WWP2: variants seen among roughly 807,000 people sequenced by gnomAD.
WWP2 encodes the protein WW domain containing E3 ubiquitin protein ligase 2, also known as NEDD4-like E3 ubiquitin-protein ligase WWP2.
Under a neutral mutation model 121.0 loss-of-function variants are expected in WWP2, and 57 were observed. That is an observed-to-expected ratio of 0.47 (90% CI 0.38 to 0.59). The LOEUF is 0.59. Among genes scored for constraint, WWP2 ranks in the 20% least tolerant of loss-of-function variants. The probability of loss-of-function intolerance (pLI) is 0.00; values close to 1 mark genes in which losing one functional copy is unlikely to be tolerated. For missense variants in WWP2, 962 were observed against 1,158.9 expected, an observed-to-expected ratio of 0.83 and a Z score of 2.47; for synonymous variants, 449 against 441.3, an observed-to-expected ratio of 1.02 and a Z score of -0.22.
chr16:69,848,463 C>A (rs1436945167), intron 6 of WWP2, among the ~76,000 whole-genome samples: 16 of 147,128 alleles, frequency 1.1e-4, no homozygotes, highest in South Asian at 2.2e-4. Flanking sequence ...AAAAAAAAAA[C>A]AAACAAACAA....
At chr16:69,820,247 A>G (rs1043416188) in intron 4 of WWP2, among the ~76,000 whole-genome samples, 2 of 151,852 alleles carry the variant, frequency 1.3e-5, no homozygotes, top group Non-Finnish European at 2.9e-5. Flanking sequence ...ATTTTTTGTT[A>G]TTATTATTTT....
chr16:69,823,723 C>T (rs2056634132), intron 4 of WWP2, among the ~76,000 whole-genome samples: 1 of 152,252 alleles, frequency 6.6e-6, no homozygotes, highest in Non-Finnish European at 1.5e-5. Context: ...CTGCCCCAGC[C>T]TCCCAAAGTG....
intron 1 of WWP2, among the ~76,000 whole-genome samples, chr16:69,777,709 T>G (rs893000710): frequency 2.0e-5 from 3 of 151,894 alleles, no homozygotes; most frequent in Non-Finnish European, 4.4e-5. Flanking sequence ...TGTCAAGATT[T>G]ATGTAGAGGA....
At chr16:69,795,805 G>T (rs912439032) in intron 2 of WWP2, among the ~76,000 whole-genome samples, 1 of 151,440 alleles carries the variant, frequency 6.6e-6, no homozygotes, top group South Asian at 2.1e-4. Flanking sequence ...GCCCCACCAC[G>T]CCCAGCTAGT....
At position 69,939,398 on chromosome 16, in the gene WWP2, C is replaced by T; in HGVS notation, c.2498C>T (p.Pro833Leu). ...IDKVGKETWL[P>L]RSHTCFNRLD... The stretch of plus-strand genomic sequence containing the variant: ...AAAGTTGGCAAGGAAACCTGGCTGC[C>T]CAGAAGCCACACCTGGTGAGCCTGC... The change falls in exon 23 of 24, where the codon CCC (proline) becomes CTC (leucine). Residue 833 changes from proline (P) to leucine (L), a missense_variant. Physicochemically the swap from Pro to Leu is moderately conservative, Grantham distance 98. Transcript: ENST00000359154. 6.2e-7 allele frequency: 1 copy of T among 1,614,122 alleles called. No homozygotes were observed. Among genetic ancestry groups the T allele is most frequent in the Non-Finnish European group, 8.5e-7 (1 of 1,180,016 alleles).
At chr16:69,829,094 T>C (rs1203278337) in intron 4 of WWP2, among the ~76,000 whole-genome samples, 1 of 152,112 alleles carries the variant, frequency 6.6e-6, no homozygotes, top group African/African-American at 2.4e-5. Flanking sequence ...CCGTCTTCGA[T>C]ACCCGACCCC....
At chr16:69,913,636 T>C (rs973081290) in intron 9 of WWP2, among the ~76,000 whole-genome samples, 1 of 152,114 alleles carries the variant, frequency 6.6e-6, no homozygotes, top group African/African-American at 2.4e-5. Context: ...TTATAATTGA[T>C]ATCCTCAAAG....
intron 8 of WWP2, among the ~76,000 whole-genome samples, chr16:69,905,272 C>T (rs575701582): frequency 6.6e-6 from 1 of 152,352 alleles, no homozygotes; most frequent in East Asian, 1.9e-4. Context: ...CTCTGGTCCT[C>T]AACCAAGAGT....
chr16:69,804,434 T>G lies in WWP2; in HGVS notation c.340+5139T>G, dbSNP rs114109761. Among the ~76,000 whole-genome samples, 795 of 152,356 alleles carry G rather than the reference T, an allele frequency of 5.2e-3. 7 individuals carry two copies. Among genetic ancestry groups the G allele is most frequent in the African/African-American group, 0.018 (760 of 41,588 alleles). Reference sequence around the variant, plus strand: ...AATATGTAGCTGATTGGTTTAGCACTACTTATTGAATAATCCATCTGTTTC... The same window carrying G: ...AATATGTAGCTGATTGGTTTAGCACGACTTATTGAATAATCCATCTGTTTC... On this transcript the variant is annotated intron_variant, in intron 4 of 23. Transcript: ENST00000359154.
At chr16:69,909,251 G>A in intron 9 of WWP2, 1 of 993,096 alleles carries the variant, frequency 1.0e-6, no homozygotes, top group Non-Finnish European at 1.2e-6. Context: ...AAGGGGTTTG[G>A]TTCCCTGTCT....
At chr16:69,828,547 G>T (rs570412100) in intron 4 of WWP2, among the ~76,000 whole-genome samples, 28 of 151,944 alleles carry the variant, frequency 1.8e-4, no homozygotes, top group Admixed American at 1.8e-3. Flanking sequence ...TGTATTTTTC[G>T]TAGAGACGGG....
At position 69,936,352 on chromosome 16, in the gene WWP2, A is replaced by G. The variant is rs767862694; in HGVS notation, c.2017A>G (p.Ile673Val). Residue 673 changes from isoleucine (I) to valine (V), a missense_variant, in exon 19 of 24, where the codon ATC (isoleucine) becomes GTC (valine). Ile to Val is a conservative substitution (Grantham distance 29). Coordinates refer to ENST00000359154, the MANE Select transcript of WWP2 (RefSeq NM_001270454.2). ...LEECGLELYFIQDMEILGKVT... is the reference protein window; with the variant it reads ...LEECGLELYFVQDMEILGKVT... ...AGAATGTGGCCTGGAGCTGTACTTC[A>G]TCCAGGACATGGAGATACTGGGCAA... 6.2e-7 allele frequency: 1 copy of G among 1,614,096 alleles called. No individual in the cohort carries two copies. The highest frequency in any genetic ancestry group is 1.7e-5 in the Admixed American group (1 of 60,018).
Position 69,914,071 on chromosome 16 carries a change from C to CAAAAAAA in WWP2, c.1005-3615_1005-3609dup. On this transcript the variant is annotated intron_variant, in intron 9 of 23. Transcript: ENST00000359154. ...TGGGCGACAGAGCGAGACTCTGTCT[C>CAAAAAAA]AAAAAAAAAAAAAAAAAAAAAAAAA... Among the ~76,000 whole-genome samples the CAAAAAAA allele has an allele frequency of 2.9e-3, 94 of 32,222 alleles. 1 individual carries two copies. Among genetic ancestry groups the CAAAAAAA allele is most frequent in the African/African-American group, 5.7e-3 (50 of 8,824 alleles). 21.1% of individuals were successfully genotyped at this position (32,222 alleles called of 152,430 possible).
chr16:69,799,808 G>A lies in WWP2; in HGVS notation c.340+513G>A, dbSNP rs1016423138. Among the ~76,000 whole-genome samples the A allele has an allele frequency of 4.6e-5, 7 of 152,156 alleles. No individual in the cohort carries two copies. The highest frequency in any genetic ancestry group is 1.7e-4 in the African/African-American group (7 of 41,442). On this transcript the variant is annotated intron_variant, in intron 4 of 23. Transcript: ENST00000359154. This position sits in a 1 kb window ranked among gnomAD's most constrained non-coding sequence, Gnocchi z 4.5. ...GTAAACATTTACTGGATGTTGGAAC[G>A]TGATGGACGCGCCATCTGAATTAGC...
chr16:69,840,590 A>T (rs1182301788), intron 5 of WWP2, among the ~76,000 whole-genome samples: 1 of 152,174 alleles, frequency 6.6e-6, no homozygotes, highest in Non-Finnish European at 1.5e-5. Flanking sequence ...TTCCCAATAC[A>T]GTTACACTTT....
rs200683787 is a variant in WWP2 at position 69,840,258 on chromosome 16, C to G, written c.473C>G (p.Thr158Arg). 1 of 1,613,982 alleles carries G rather than the reference C, an allele frequency of 6.2e-7. No homozygotes were observed. The highest frequency in any genetic ancestry group is 8.5e-7 in the Non-Finnish European group (1 of 1,179,950). The change falls in exon 5 of 24, where the codon ACA (threonine) becomes AGA (arginine). Residue 158 changes from threonine to arginine, a missense_variant. Physicochemically the swap from Thr to Arg is moderately conservative, Grantham distance 71. Around this residue, in one of 3 missense-constraint regions of WWP2, gnomAD observed 211 missense variants for 196.5 expected, o/e 1.07. Coordinates refer to ENST00000359154, the MANE Select transcript of WWP2 (RefSeq NM_001270454.2). ...LGNVPNGSALTDGSQLPSRDS... is the reference protein window; with the variant it reads ...LGNVPNGSALRDGSQLPSRDS... ...AATGTGCCTAATGGCAGTGCCCTGA[C>G]AGATGGTGAGTGCCGCCCTGCTCCT...
At chr16:69,903,709 A>G (rs1020892888) in intron 8 of WWP2, among the ~76,000 whole-genome samples, 1 of 151,436 alleles carries the variant, frequency 6.6e-6, no homozygotes, top group Non-Finnish European at 1.5e-5. Context: ...TGGAGGTTGC[A>G]GTGAGCCGAG....
At position 69,935,771 on chromosome 16, in the gene WWP2, G is replaced by C. The variant is rs2058788317; in HGVS notation, c.1843-82G>C. ...AAGGAAGGCGGGTAGCGGTAGCAGA[G>C]TTTGATACCGAGCATCTGAGAGCTG... is the stretch of plus-strand genomic sequence containing the variant. On this transcript the variant is annotated intron_variant, in intron 17 of 23. Transcript: ENST00000359154. This position sits in a 1 kb window ranked among gnomAD's most constrained non-coding sequence, Gnocchi z 5.2. 6.5e-7 allele frequency: 1 copy of C among 1,530,614 alleles called. No individual in the cohort carries two copies. The highest frequency in any genetic ancestry group is 1.4e-5 in the African/African-American group (1 of 72,230). The allele number at this position is 1,530,614 out of a possible 1,614,324, so 94.8% of individuals were successfully genotyped here. A position where few individuals can be genotyped will look rare whatever the true frequency, so the allele number is the denominator to read the frequency against.
intron 7 of WWP2, among the ~76,000 whole-genome samples, chr16:69,873,836 A>G (rs868499863): frequency 1.3e-5 from 2 of 152,190 alleles, no homozygotes; most frequent in Non-Finnish European, 2.9e-5. Flanking sequence ...TGCTTTTCCT[A>G]TAAAAACTAT....
Sources: gnomAD v4.1 joint callset for allele counts (sites outside exome capture counted in the v4.1 genomes callset) on GRCh38, gnomAD v4.1.1 for gene constraint, gnomAD v4.1.1 regional missense constraint, Gnocchi (gnomAD v3.1) non-coding constraint, MANE v1.5 for transcripts, NCBI Gene and HGNC (gene_info 2026-07-23, HGNC 2026-07-21) for gene names.